The following MTRES1 variants were observed in gnomAD, a reference collection of about 807,000 sequenced individuals.
MTRES1 encodes mitochondrial transcription rescue factor 1.
MTRES1 carries 11 observed loss-of-function variants against 17.4 expected under a neutral mutation model. The ratio of observed to expected loss-of-function variants is 0.63; its 90% confidence interval spans 0.40 to 1.05. The LOEUF is 1.05. Ranked by LOEUF, MTRES1 falls within the 50% of genes least tolerant of loss-of-function variation. The pLI, the probability that MTRES1 is intolerant of heterozygous loss-of-function variation, is 0.00. For missense variants in MTRES1, 268 were observed against 276.2 expected (o/e 0.97, Z 0.21); for synonymous variants, 94 against 99.6 (o/e 0.94, Z 0.34).
chr6:107,028,320 C>T (rs570966177), intron 1 of MTRES1, 49 bp downstream of exon 1: 262 of 152,530 alleles, frequency 1.7e-3, no homozygotes, highest in Middle Eastern at 3.4e-3. Context: ...TGCCCGCGCC[C>T]CCTGTCACTT....
At chr6:107,042,327 G>A (rs548839088) in intron 2 of MTRES1, among the ~76,000 whole-genome samples, 3 of 101,160 alleles carry the variant, frequency 3.0e-5, no homozygotes, top group East Asian at 6.6e-4. Context: ...GCAACAAAGT[G>A]GGACTCCGTC....
intron 1 of MTRES1, chr6:107,030,169 T>C (rs1773789388): frequency 1.4e-6 from 1 of 718,454 alleles, no homozygotes; most frequent in African/African-American, 1.7e-5. Context: ...AAGAGTCAAA[T>C]TGGCAGATGA....
rs961251236 is a variant in MTRES1, at chr6:107,051,557, A to T, written c.*321A>T. On this transcript the variant is annotated 3_prime_UTR_variant, in exon 4 of 4. Transcript: ENST00000311381. Reference sequence around the variant, plus strand: ...TCCCACATAAACTACCTCAGGAGTCACTGTAAAATAAACTGGCCTTGTTGT... The same window carrying T: ...TCCCACATAAACTACCTCAGGAGTCTCTGTAAAATAAACTGGCCTTGTTGT... Among the ~76,000 whole-genome samples, 2 of 152,192 alleles carry T rather than the reference A, an allele frequency of 1.3e-5. No homozygotes were observed. Among genetic ancestry groups the T allele is most frequent in the Non-Finnish European group, 2.9e-5 (2 of 68,040 alleles).
In MTRES1 at chr6:107,040,139, A is replaced by C. The variant is rs139673951; in HGVS notation, c.379A>C (p.Thr127Pro). 5 of 1,613,528 alleles carry C rather than the reference A, an allele frequency of 3.1e-6. No homozygotes were observed. In the East Asian group the frequency reaches 8.9e-5, roughly 29 times the overall value. The change falls in exon 2 of 4, where the codon ACT (threonine) becomes CCT (proline). Residue 127 changes from threonine (T) to proline (P), a missense_variant. Physicochemically the swap from Thr to Pro is conservative, Grantham distance 38. Transcript: ENST00000311381. The part of the protein sequence containing the change: ...EQEEELEDDP[T>P]VVKNYKDLEK... ...GGAAGAGGAGCTTGAGGATGATCCT[A>C]CTGTAGTCAAAAACTATAAAGACCT...
chr6:107,028,661 A>G (rs545875744), intron 1 of MTRES1: 2 of 152,530 alleles, frequency 1.3e-5, no homozygotes, highest in South Asian at 4.1e-4. Context: ...GCTGCATTAG[A>G]CTTCAAAGCG....
chr6:107,029,088 G>T (rs923149337), intron 1 of MTRES1, among the ~76,000 whole-genome samples: 2 of 150,200 alleles, frequency 1.3e-5, no homozygotes, highest in African/African-American at 2.5e-5. Context: ...TGCAATGGCG[G>T]GATCTCGGCT....
rs147708900 is a variant in MTRES1 at position 107,040,093 on chromosome 6, T to A, written c.333T>A (p.His111Gln). The change falls in exon 2 of 4, where the codon CAT becomes CAA. Residue 111 changes from histidine to glutamine, a missense_variant. His to Gln is a conservative substitution (Grantham distance 24, BLOSUM62 0). Coordinates refer to ENST00000311381, the MANE Select transcript of MTRES1 (RefSeq NM_016487.5). ...AAGAGGACTCTGATGAAGAAAGCCATCATGATGAGATGAGTGAGCAGGAAG... is the reference window on the plus strand; with the variant it reads ...AAGAGGACTCTGATGAAGAAAGCCAACATGATGAGATGAGTGAGCAGGAAG... ...VDEEDSDEES[H>Q]HDEMSEQEEE... 1,363 of 1,613,846 alleles carry A rather than the reference T, an allele frequency of 8.4e-4. 12 individuals are homozygous for A. In the African/African-American group the frequency reaches 0.016, roughly 19 times the overall value.
intron 2 of MTRES1, chr6:107,040,970 T>TA (rs1774184753): frequency 6.6e-6 from 1 of 152,060 alleles, no homozygotes; most frequent in South Asian, 2.1e-4. Flanking sequence ...CTCATGTCTG[T>TA]AATCCGAGCA....
At chr6:107,042,092 G>A (rs1043265635) in intron 2 of MTRES1, among the ~76,000 whole-genome samples, 10 of 151,720 alleles carry the variant, frequency 6.6e-5, no homozygotes, top group Non-Finnish European at 1.0e-4. Flanking sequence ...TGTAGTCCCA[G>A]CACTTTGGGA....
At chr6:107,039,665 G>A in intron 1 of MTRES1, 84 bp from the exon 2 acceptor site, 3 of 1,384,594 alleles carry the variant, frequency 2.2e-6, no homozygotes, top group Non-Finnish European at 2.9e-6. Context: ...TGTACATAAA[G>A]CGTTCATAGT....
intron 2 of MTRES1, among the ~76,000 whole-genome samples, chr6:107,043,159 G>T (rs311252): frequency 6.6e-6 from 1 of 151,194 alleles, no homozygotes; most frequent in Non-Finnish European, 1.5e-5. Flanking sequence ...GTGAAACCCC[G>T]TCTCTACTAA....
chr6:107,038,707 T>TG (rs1291485821), intron 1 of MTRES1, among the ~76,000 whole-genome samples: 1 of 152,200 alleles, frequency 6.6e-6, no homozygotes, highest in African/African-American at 2.4e-5. Flanking sequence ...AAGTCAATGT[T>TG]GTAAGGATGT....
chr6:107,038,689 C>G (rs6932908), intron 1 of MTRES1, among the ~76,000 whole-genome samples: 2 of 152,062 alleles, frequency 1.3e-5, no homozygotes, highest in Non-Finnish European at 2.9e-5. Context: ...TGGTGTCCTT[C>G]CTTGGCAAAG....
chr6:107,048,521 C>CTT (rs1774471013), intron 3 of MTRES1, among the ~76,000 whole-genome samples: 1 of 151,392 alleles, frequency 6.6e-6, no homozygotes, highest in Non-Finnish European at 1.5e-5. Flanking sequence ...GTGGCTCACA[C>CTT]TTGTAATCCC....
At chr6:107,038,047 G>A (rs1041948447) in intron 1 of MTRES1, among the ~76,000 whole-genome samples, 5 of 151,960 alleles carry the variant, frequency 3.3e-5, no homozygotes, top group Admixed American at 6.6e-5. Context: ...CCAAATTATA[G>A]TTATGTTGAA....
At position 107,044,406 on chromosome 6, in the gene MTRES1, C is replaced by G; in HGVS notation, c.543+74C>G. 3 of 1,188,626 alleles carry G rather than the reference C, an allele frequency of 2.5e-6. No individual in the cohort carries two copies. The South Asian group carries it at 3.9e-5, about 15-fold the overall frequency. 73.6% of individuals were successfully genotyped at this position (1,188,626 alleles called of 1,614,324 possible). ...TGCTAGTAACTCAATTAATGCTGTC[C>G]CAAATTTTCCCTCTGGCTCCTCTTC... On this transcript the variant is annotated intron_variant, in intron 3 of 3. Transcript: ENST00000311381.
chr6:107,040,394 TTTCCA>T, intron 2 of MTRES1, 164 bp downstream of exon 2: 2 of 534,848 alleles, frequency 3.7e-6, no homozygotes, highest in Non-Finnish European at 6.1e-6. Flanking sequence ...AGCAAACTGA[TTTCCA>T]AAGAAGTCAA....
chr6:107,045,137 A>G (rs189745638), intron 3 of MTRES1, among the ~76,000 whole-genome samples: 6 of 151,500 alleles, frequency 4.0e-5, no homozygotes, highest in African/African-American at 9.7e-5. Flanking sequence ...GTGAGCCATA[A>G]TCATGCCAAT....
intron 3 of MTRES1, among the ~76,000 whole-genome samples, chr6:107,048,938 C>T (rs1273969428): frequency 6.6e-6 from 1 of 151,854 alleles, no homozygotes; most frequent in Non-Finnish European, 1.5e-5. Context: ...TGCTTCTCAG[C>T]CCACAGGAGA....
Sources: gnomAD v4.1 joint callset for allele counts (sites outside exome capture counted in the v4.1 genomes callset) on GRCh38, gnomAD v4.1.1 for gene constraint, MANE v1.5 for transcripts, NCBI Gene and HGNC (gene_info 2026-07-23, HGNC 2026-07-21) for gene names.